Variants in LAMP2 observed in about 807,000 individuals in gnomAD.
The protein encoded by LAMP2 is lysosome associated membrane protein 2.
A neutral mutation model predicts 25.6 loss-of-function variants in LAMP2; 4 were observed. The ratio of observed to expected loss-of-function variants is 0.16; its 90% confidence interval spans 0.08 to 0.36. The LOEUF (loss-of-function observed/expected upper bound fraction) is 0.36. Among genes scored for constraint, LAMP2 ranks in the 10% least tolerant of loss-of-function variants. LAMP2 has a pLI of 1.00. For synonymous variants in LAMP2, 108 were observed against 112.7 expected (o/e 0.96, Z 0.27); for missense variants, 272 against 301.4 (o/e 0.90, Z 0.72).
rs2058603590 is a variant in LAMP2, at chrX:120,447,742, G to C, written c.741+99C>G. On this transcript the variant is annotated intron_variant, in intron 5 of 8. Transcript: ENST00000200639. ...CAAACAAACAAACAAAAAGAAAACG[G>C]AATCATTCTAGTAACACTACCTTTG... 9.2e-6 allele frequency: 7 copies of C among 760,125 alleles called. No individual in the cohort carries two copies. The East Asian group carries it at 1.9e-4, about 21-fold the overall frequency. The allele number at this position is 760,125 out of a possible 1,213,427, so 62.6% of individuals were successfully genotyped here.
At chrX:120,452,595 A>G (rs981829049) in intron 3 of LAMP2, among the ~76,000 whole-genome samples, 3 of 108,630 alleles carry the variant, frequency 2.8e-5, no homozygotes, top group South Asian at 4.0e-4. Context: ...TCTGTCACCC[A>G]GGCTGAGTGT....
At chrX:120,435,074 G>A (rs752198204) in intron 8 of LAMP2, among the ~76,000 whole-genome samples, 74 of 111,565 alleles carry the variant, frequency 6.6e-4, no homozygotes, top group African/African-American at 2.3e-3. Context: ...AGGTTGCAGT[G>A]AGCTGAGATC....
At chrX:120,436,875 T>C (rs1478527768) in intron 8 of LAMP2, 1 of 734,325 alleles carries the variant, frequency 1.4e-6, no homozygotes, top group African/African-American at 2.3e-5. Context: ...GAATCAGGCA[T>C]ATAATCTGAA....
Position 120,447,849 on chromosome X carries a change from G to C in LAMP2, c.733C>G (p.Gln245Glu), listed in dbSNP as rs1246477767. The C allele has an allele frequency of 1.2e-5, 15 of 1,208,178 alleles. No individual in the cohort carries two copies. The highest frequency in any genetic ancestry group is 1.6e-5 in the Non-Finnish European group (14 of 891,979). ...ATMGLQLNIT[Q>E]DKVASVININ... Reference sequence around the variant, plus strand: ...AAGATAGACACCTATACCTTATCCTGAGTGATGTTCAGCTGCAGCCCCATG... The same window carrying C: ...AAGATAGACACCTATACCTTATCCTCAGTGATGTTCAGCTGCAGCCCCATG... The change falls in exon 5 of 9, where the codon CAG (glutamine) becomes GAG (glutamate). Residue 245 changes from glutamine (Q) to glutamate (E), a missense_variant. Gln to Glu is a conservative substitution (Grantham distance 29). Coordinates refer to ENST00000200639, the MANE Select transcript of LAMP2 (RefSeq NM_002294.3).
intron 8 of LAMP2, chrX:120,438,313 T>A: frequency 1.3e-6 from 1 of 754,234 alleles, no homozygotes; most frequent in Non-Finnish European, 1.6e-6. Context: ...TAGTACTGCA[T>A]ACAGAGGCCA....
intron 8 of LAMP2, among the ~76,000 whole-genome samples, chrX:120,436,170 ACT>A (rs1232205922): frequency 1.5e-3 from 88 of 57,296 alleles, no homozygotes; most frequent in African/African-American, 1.5e-3. Flanking sequence ...ACACACACAC[ACT>A]CTCTCTCTCT....
intron 1 of LAMP2, among the ~76,000 whole-genome samples, chrX:120,462,563 T>C (rs1207711282): frequency 9.2e-6 from 1 of 108,745 alleles, no homozygotes; most frequent in Non-Finnish European, 1.9e-5. Context: ...CAGACCTTAC[T>C]TCCCCAAGTG....
chrX:120,450,352 C>A, intron 3 of LAMP2, among the ~76,000 whole-genome samples: 1 of 111,714 alleles, frequency 9.0e-6, no homozygotes, highest in Non-Finnish European at 1.9e-5. Flanking sequence ...AGCAAGCAGC[C>A]ATATAATGCT....
rs187524786 is a variant in LAMP2, at chrX:120,466,873, G to A, written c.64+2233C>T. Reference sequence around the variant, plus strand: ...TTTTTTTTTTTTGAGACAGAGTTTCGCTCATGTTGCCCAGGCTGGAATGCA... The same window carrying A: ...TTTTTTTTTTTTGAGACAGAGTTTCACTCATGTTGCCCAGGCTGGAATGCA... On this transcript the variant is annotated intron_variant, in intron 1 of 8. Coordinates refer to ENST00000200639, the MANE Select transcript of LAMP2 (RefSeq NM_002294.3). Among the ~76,000 whole-genome samples the A allele has an allele frequency of 4.9e-3, 470 of 94,993 alleles. 4 individuals carry two copies. The highest frequency in any genetic ancestry group is 0.018 in the Middle Eastern group (3 of 165). 82.5% of individuals were successfully genotyped at this position (94,993 alleles called of 115,157 possible).
rs1235404961 is a variant in LAMP2 at position 120,426,233 on chromosome X, G to A, written c.*5090C>T. ...AGATCAAACAGAAGTACCACAGTAT[G>A]CTTTATTTTGCAGGTATTAATTGGT... is the stretch of plus-strand genomic sequence containing the variant. On this transcript the variant is annotated 3_prime_UTR_variant, in exon 9 of 9. Coordinates refer to ENST00000200639, the MANE Select transcript of LAMP2 (RefSeq NM_002294.3). Among the ~76,000 whole-genome samples the A allele has an allele frequency of 1.0e-5, 1 of 99,661 alleles. No homozygotes were observed. The highest frequency in any genetic ancestry group is 2.0e-5 in the Non-Finnish European group (1 of 49,453). The allele number at this position is 99,661 out of a possible 115,157, so 86.5% of individuals were successfully genotyped here. A position where few individuals can be genotyped will look rare whatever the true frequency, so the allele number is the denominator to read the frequency against.
At chrX:120,436,913 C>T (rs966552203) in intron 8 of LAMP2, 1 of 745,518 alleles carries the variant, frequency 1.3e-6, no homozygotes, top group African/African-American at 2.3e-5. Context: ...ATATTAACAG[C>T]ATTCAGTCAG....
chrX:120,465,169 C>G (rs1921481345), intron 1 of LAMP2, among the ~76,000 whole-genome samples: 1 of 111,313 alleles, frequency 9.0e-6, no homozygotes, highest in African/African-American at 3.3e-5. Context: ...GTCCCTTTCA[C>G]CTAATATAGT....
At chrX:120,466,263 T>TA in intron 1 of LAMP2, among the ~76,000 whole-genome samples, 1 of 111,755 alleles carries the variant, frequency 8.9e-6, no homozygotes, top group East Asian at 2.8e-4. Context: ...AAGCTTTCAT[T>TA]AAAAAACAAA....
chrX:120,450,104 A>G (rs550999136), intron 3 of LAMP2, among the ~76,000 whole-genome samples: 13 of 112,545 alleles, frequency 1.2e-4, no homozygotes, highest in South Asian at 3.6e-4. Flanking sequence ...ATTAACTCCA[A>G]TGAGCTTATA....
chrX:120,449,655 G>A (rs908492799), intron 3 of LAMP2, among the ~76,000 whole-genome samples: 2 of 111,744 alleles, frequency 1.8e-5, no homozygotes, highest in Non-Finnish European at 3.8e-5. Flanking sequence ...AAAGAAATGG[G>A]GGTTAAGAAG....
chrX:120,437,107 T>C, intron 8 of LAMP2: 1 of 746,529 alleles, frequency 1.3e-6, no homozygotes, highest in Non-Finnish European at 1.6e-6. Flanking sequence ...CCCTAAGAAG[T>C]GTTTTAAGCT....
intron 8 of LAMP2, chrX:120,436,511 A>G: frequency 1.4e-6 from 1 of 737,618 alleles, no homozygotes. Flanking sequence ...AAGAAATAAA[A>G]GAATCTTTAT....
At chrX:120,458,554 A>G (rs1755939480) in intron 1 of LAMP2, among the ~76,000 whole-genome samples, 1 of 111,672 alleles carries the variant, frequency 9.0e-6, no homozygotes, top group African/African-American at 3.3e-5. Flanking sequence ...CATTCCCTTC[A>G]CAGCCTTTCT....
intron 6 of LAMP2, among the ~76,000 whole-genome samples, chrX:120,444,332 G>A (rs1007352891): frequency 7.1e-4 from 79 of 111,677 alleles, no homozygotes; most frequent in Admixed American, 8.5e-4. Context: ...CTACATCTTG[G>A]CTTTGCATTC....
Sources: gnomAD v4.1 joint callset for allele counts (sites outside exome capture counted in the v4.1 genomes callset) on GRCh38, gnomAD v4.1.1 for gene constraint, MANE v1.5 for transcripts, NCBI Gene and HGNC (gene_info 2026-07-23, HGNC 2026-07-21) for gene names.